AGBL4: variants seen among roughly 807,000 people sequenced by gnomAD.
AGBL4 encodes the protein AGBL carboxypeptidase 4, also known as cytosolic carboxypeptidase 6.
In AGBL4, 58 loss-of-function variants were observed where a neutral mutation model predicts 66.4. The ratio of observed to expected loss-of-function variants is 0.87; its 90% CI spans 0.71 to 1.09. AGBL4 has a LOEUF of 1.09. AGBL4 is among the 50% of genes least tolerant of loss of function. AGBL4 has a pLI of 0.00. For missense variants in AGBL4, 579 were observed against 631.0 expected (o/e 0.92, Z 0.88); for synonymous variants, 234 against 222.9 (o/e 1.05, Z -0.44).
At chr1:49,307,857 T>G (rs930342378) in intron 3 of AGBL4, among the ~76,000 whole-genome samples, 1 of 152,166 alleles carries the variant, frequency 6.6e-6, no homozygotes, top group South Asian at 2.1e-4. Context: ...CTAAAATTAC[T>G]TTATGTTTAA....
rs1660066984 is a variant in AGBL4 at position 49,992,828 on chromosome 1, T to C, written c.34+30935A>G. ...TGAGGACTCTCACTCCTATAAACTC[T>C]CCCCAATGCTCCTATACTCTTCATT... On this transcript the variant is annotated intron_variant, in intron 1 of 13. Coordinates refer to ENST00000371839, the MANE Select transcript of AGBL4 (RefSeq NM_032785.4). 2.0e-5 allele frequency among the ~76,000 whole-genome samples: 3 copies of C among 152,094 alleles called. No individual in the cohort carries two copies. The East Asian group carries it at 5.8e-4, about 29-fold the overall frequency.
At chr1:48,833,349 C>A (rs1450404044) in intron 6 of AGBL4, among the ~76,000 whole-genome samples, 1 of 152,134 alleles carries the variant, frequency 6.6e-6, no homozygotes, top group East Asian at 1.9e-4. Flanking sequence ...GAACTGTGTT[C>A]TAGTGTTTTG....
At chr1:49,722,526 ATAAT>A (rs1422745876) in intron 2 of AGBL4, among the ~76,000 whole-genome samples, 2 of 152,186 alleles carry the variant, frequency 1.3e-5, no homozygotes, top group African/African-American at 4.8e-5. Flanking sequence ...TGCATGATGA[ATAAT>A]TAATGTTTTA....
rs535114239 is a variant in AGBL4, at chr1:49,453,702, C to T, written c.283-207838G>A. The stretch of plus-strand genomic sequence containing the variant: ...GATAAAGAACATTTAATTAATATAA[C>T]TTGATAGAAGGTTTAAAAATTTCTC... On this transcript the variant is annotated intron_variant, in intron 3 of 13. Coordinates refer to ENST00000371839, the MANE Select transcript of AGBL4 (RefSeq NM_032785.4). Among the ~76,000 whole-genome samples the T allele has an allele frequency of 1.3e-4, 19 of 151,872 alleles. No individual in the cohort carries two copies. In the South Asian group the frequency reaches 3.7e-3, roughly 30 times the overall value.
At position 49,204,340 on chromosome 1, in the gene AGBL4, G is replaced by A. The variant is rs151020691; in HGVS notation, c.377+41430C>T. 1.6e-3 allele frequency among the ~76,000 whole-genome samples: 244 copies of A among 151,876 alleles called. 4 individuals carry two copies. The highest frequency in any genetic ancestry group is 5.7e-3 in the African/African-American group (235 of 41,416). On this transcript the variant is annotated intron_variant, in intron 4 of 13. Transcript: ENST00000371839. ...GGCTGGAGTGCAGTGGTGTAATCACGGCTCACTGCAGCCTTGAATTCCTGG... is the reference window on the plus strand; with the variant it reads ...GGCTGGAGTGCAGTGGTGTAATCACAGCTCACTGCAGCCTTGAATTCCTGG...
At chr1:48,743,743 C>T in intron 6 of AGBL4, among the ~76,000 whole-genome samples, 1 of 152,198 alleles carries the variant, frequency 6.6e-6, no homozygotes, top group East Asian at 1.9e-4. Context: ...CAACTGGGTA[C>T]AAAGCTCTTT....
At chr1:48,872,334 C>T (rs1648752551) in intron 5 of AGBL4, among the ~76,000 whole-genome samples, 2 of 152,154 alleles carry the variant, frequency 1.3e-5, no homozygotes, top group South Asian at 4.1e-4. Context: ...TCCCAGGCTG[C>T]ATCTTTGTTT....
At chr1:49,719,036 T>C (rs1188611495) in intron 2 of AGBL4, among the ~76,000 whole-genome samples, 1 of 152,104 alleles carries the variant, frequency 6.6e-6, no homozygotes, top group Non-Finnish European at 1.5e-5. Flanking sequence ...AATAGGTACA[T>C]TGGGTCAGGT....
At chr1:49,308,155 C>G (rs1348736034) in intron 3 of AGBL4, among the ~76,000 whole-genome samples, 1 of 152,166 alleles carries the variant, frequency 6.6e-6, no homozygotes, top group Non-Finnish European at 1.5e-5. Flanking sequence ...TGCTGCCATT[C>G]TTCCTGTATA....
intron 5 of AGBL4, among the ~76,000 whole-genome samples, chr1:49,002,707 G>A (rs1156881727): frequency 6.6e-6 from 1 of 152,098 alleles, no homozygotes; most frequent in Non-Finnish European, 1.5e-5. Context: ...AAGGATTAAT[G>A]GTTTCAAATT....
At chr1:49,769,235 C>T (rs1020009959) in intron 2 of AGBL4, among the ~76,000 whole-genome samples, 1 of 152,018 alleles carries the variant, frequency 6.6e-6, no homozygotes, top group Non-Finnish European at 1.5e-5. Flanking sequence ...CACACACACA[C>T]ACATACACAA....
intron 2 of AGBL4, among the ~76,000 whole-genome samples, chr1:49,714,593 T>TATACACAC (rs1491300456): frequency 1.8e-5 from 2 of 113,984 alleles, no homozygotes; most frequent in African/African-American, 6.3e-5. Flanking sequence ...TATATATATA[T>TATACACAC]ACACACACAC....
intron 6 of AGBL4, among the ~76,000 whole-genome samples, chr1:48,755,710 A>G (rs922951992): frequency 2.0e-5 from 3 of 152,068 alleles, no homozygotes; most frequent in Non-Finnish European, 4.4e-5. Flanking sequence ...TCCAAGAGAG[A>G]CTTCTCCCTT....
chr1:49,228,688 G>T (rs1350542883), intron 4 of AGBL4, among the ~76,000 whole-genome samples: 2 of 152,146 alleles, frequency 1.3e-5, no homozygotes, highest in African/African-American at 4.8e-5. Flanking sequence ...GCAGTGATGT[G>T]ACTTGTGTTT....
intron 2 of AGBL4, among the ~76,000 whole-genome samples, chr1:49,698,521 G>A (rs1647029305): frequency 6.6e-6 from 1 of 151,966 alleles, no homozygotes; most frequent in Admixed American, 6.6e-5. Context: ...AAGGTACAGA[G>A]AACTTACCCA....
At chr1:48,813,815 G>T (rs1243902589) in intron 6 of AGBL4, among the ~76,000 whole-genome samples, 2 of 151,106 alleles carry the variant, frequency 1.3e-5, no homozygotes, top group African/African-American at 4.9e-5. Flanking sequence ...CTTCTCTTCT[G>T]GCTCTGATGG....
chr1:49,126,548 T>C (rs1645768221), intron 4 of AGBL4, among the ~76,000 whole-genome samples: 1 of 152,116 alleles, frequency 6.6e-6, no homozygotes, highest in East Asian at 1.9e-4. Flanking sequence ...CAAAGAACTA[T>C]TATAAATAGG....
intron 6 of AGBL4, among the ~76,000 whole-genome samples, chr1:48,725,498 C>T (rs1570359771): frequency 6.6e-6 from 1 of 152,276 alleles, no homozygotes; most frequent in African/African-American, 2.4e-5. Context: ...CTCCAAATGG[C>T]CTGAATTAAT....
intron 5 of AGBL4, among the ~76,000 whole-genome samples, chr1:49,031,698 G>A (rs1664242556): frequency 6.6e-6 from 1 of 152,098 alleles, no homozygotes; most frequent in South Asian, 2.1e-4. Context: ...AAGTTCTCTG[G>A]CAGTGGTGTA....
Sources: allele counts gnomAD v4.1 joint callset (sites outside exome capture counted in the v4.1 genomes callset), GRCh38; gene constraint gnomAD v4.1.1; transcripts MANE v1.5; gene names NCBI Gene and HGNC (gene_info 2026-07-23, HGNC 2026-07-21).